ADAMTSL3: variants seen among roughly 807,000 people sequenced by gnomAD.
ADAMTSL3 encodes the protein ADAMTS like 3, also known as ADAMTS-like protein 3.
A neutral mutation model predicts 201.7 loss-of-function variants in ADAMTSL3; 128 were observed. The ratio of observed to expected loss-of-function variants is 0.63; its 90% confidence interval spans 0.55 to 0.73. ADAMTSL3 has a LOEUF of 0.73. ADAMTSL3 is among the 30% of genes least tolerant of loss of function. The pLI is 0.00. For missense variants in ADAMTSL3, 1,990 were observed against 2,119.6 expected, an observed-to-expected ratio of 0.94 and a Z score of 1.20; for synonymous variants, 738 against 748.4, an observed-to-expected ratio of 0.99 and a Z score of 0.23.
chr15:83,959,417 G>T (rs977847734), intron 19 of ADAMTSL3, among the ~76,000 whole-genome samples: 8 of 152,092 alleles, frequency 5.3e-5, no homozygotes, highest in African/African-American at 1.9e-4. Flanking sequence ...CTCAAAAAAA[G>T]GACATATTCT....
chr15:83,931,488 T>G (rs2066354571), intron 17 of ADAMTSL3, among the ~76,000 whole-genome samples: 1 of 152,190 alleles, frequency 6.6e-6, no homozygotes, highest in South Asian at 2.1e-4. Context: ...ACAGAAACCT[T>G]CTGATTATTT....
chr15:83,878,488 C>A (rs1596346341), intron 9 of ADAMTSL3, among the ~76,000 whole-genome samples: 1 of 152,050 alleles, frequency 6.6e-6, no homozygotes, highest in East Asian at 1.9e-4. Context: ...GTGGCATGTG[C>A]CTGTAGTCCC....
chr15:83,758,652 G>A (rs1011433803), intron 3 of ADAMTSL3, among the ~76,000 whole-genome samples: 3 of 152,140 alleles, frequency 2.0e-5, no homozygotes, highest in African/African-American at 7.2e-5. Flanking sequence ...TTTCCCTAAT[G>A]ATTAGTGATA....
intron 3 of ADAMTSL3, among the ~76,000 whole-genome samples, chr15:83,732,041 A>G (rs1312378066): frequency 6.6e-6 from 1 of 152,082 alleles, no homozygotes; most frequent in Non-Finnish European, 1.5e-5. Flanking sequence ...AAATTTCACC[A>G]CACATACACA....
rs567088603 is a variant in ADAMTSL3, at chr15:83,701,756, C to G, written c.70-2633C>G. On this transcript the variant is annotated intron_variant, in intron 2 of 29. Transcript: ENST00000286744. ...CCCCAGCCATGTCGAACTGTAAGTCCAATTAAACCTCTTTTTCTTCCCAGT... is the reference window on the plus strand; with the variant it reads ...CCCCAGCCATGTCGAACTGTAAGTCGAATTAAACCTCTTTTTCTTCCCAGT... Among the ~76,000 whole-genome samples, 91 of 152,282 alleles carry G rather than the reference C, an allele frequency of 6.0e-4. 1 individual carries two copies. Among genetic ancestry groups the G allele is most frequent in the African/African-American group, 2.1e-3 (88 of 41,560 alleles).
chr15:83,770,769 T>C (rs1280409995), intron 3 of ADAMTSL3, among the ~76,000 whole-genome samples: 1 of 152,176 alleles, frequency 6.6e-6, no homozygotes, highest in Non-Finnish European at 1.5e-5. Flanking sequence ...TTATCTATGA[T>C]TTTTAAAAAC....
At chr15:83,714,872 C>T (rs201413921) in intron 3 of ADAMTSL3, among the ~76,000 whole-genome samples, 49 of 10,414 alleles carry the variant, frequency 4.7e-3, no homozygotes, top group African/African-American at 0.036. Flanking sequence ...CTCCCTCCCT[C>T]CCTCCCTTCC....
intron 17 of ADAMTSL3, among the ~76,000 whole-genome samples, chr15:83,927,880 C>T (rs1398038559): frequency 6.6e-6 from 1 of 152,032 alleles, no homozygotes; most frequent in East Asian, 1.9e-4. Context: ...TTTGTCTACT[C>T]TAGCCAGTAC....
intron 7 of ADAMTSL3, among the ~76,000 whole-genome samples, chr15:83,841,648 A>G (rs1297713897): frequency 6.6e-6 from 1 of 151,270 alleles, no homozygotes; most frequent in African/African-American, 2.4e-5. Context: ...AGGATGTCAC[A>G]CTGATACGGG....
intron 19 of ADAMTSL3, among the ~76,000 whole-genome samples, chr15:83,944,569 G>A (rs993211035): frequency 1.3e-5 from 2 of 152,154 alleles, no homozygotes; most frequent in Non-Finnish European, 2.9e-5. Flanking sequence ...AGAAGCAGAC[G>A]TTGTCTCCCT....
intron 23 of ADAMTSL3, among the ~76,000 whole-genome samples, chr15:83,991,530 C>G (rs1415610215): frequency 6.6e-6 from 1 of 152,148 alleles, no homozygotes; most frequent in Non-Finnish European, 1.5e-5. Flanking sequence ...ACAAAAGAGG[C>G]CAACTTTTAG....
In ADAMTSL3 at chr15:83,655,744, C is replaced by A. The variant is rs534971320; in HGVS notation, c.-18C>A. The A allele has an allele frequency of 6.2e-7, 1 of 1,613,686 alleles. No individual in the cohort carries two copies. The highest frequency in any genetic ancestry group is 1.1e-5 in the South Asian group (1 of 91,012). ...TCGTTTGTAGGCTACAACTGAGACC[C>A]GGAGGAGACTAGACCCCATGGCTTC... On this transcript the variant is annotated 5_prime_UTR_variant, in exon 2 of 30. Transcript: ENST00000286744.
intron 2 of ADAMTSL3, among the ~76,000 whole-genome samples, chr15:83,667,421 C>A (rs191527167): frequency 2.0e-4 from 30 of 151,978 alleles, no homozygotes; most frequent in African/African-American, 7.2e-4. Flanking sequence ...AAAGTTCCTT[C>A]TCTCAAAACT....
At chr15:84,031,652 A>C (rs1828877393) in intron 28 of ADAMTSL3, among the ~76,000 whole-genome samples, 1 of 152,210 alleles carries the variant, frequency 6.6e-6, no homozygotes, top group Non-Finnish European at 1.5e-5. Context: ...GATGTTAAAC[A>C]ATAAAGGGAC....
At chr15:83,926,485 G>A (rs1003995106) in intron 17 of ADAMTSL3, among the ~76,000 whole-genome samples, 3 of 152,104 alleles carry the variant, frequency 2.0e-5, no homozygotes, top group Non-Finnish European at 4.4e-5. Context: ...AATCTTTTAA[G>A]AAAATTATTT....
At chr15:83,776,555 T>C (rs2063077607) in intron 4 of ADAMTSL3, among the ~76,000 whole-genome samples, 1 of 152,078 alleles carries the variant, frequency 6.6e-6, no homozygotes, top group African/African-American at 2.4e-5. Context: ...CCATCTCTAC[T>C]AAAAATACAA....
intron 2 of ADAMTSL3, among the ~76,000 whole-genome samples, chr15:83,666,563 G>A (rs1039750983): frequency 6.6e-6 from 1 of 152,092 alleles, no homozygotes; most frequent in Non-Finnish European, 1.5e-5. Flanking sequence ...ACAGGACTGG[G>A]CACAATGGCC....
intron 3 of ADAMTSL3, among the ~76,000 whole-genome samples, chr15:83,709,477 A>T (rs924436239): frequency 2.0e-5 from 3 of 152,074 alleles, no homozygotes; most frequent in Non-Finnish European, 2.9e-5. Context: ...CCCATAGAGG[A>T]CCTGTTCATA....
rs567872474 is a variant in ADAMTSL3, at chr15:83,676,299, A to C, written c.69+20469A>C. Among the ~76,000 whole-genome samples the C allele has an allele frequency of 2.6e-5, 4 of 152,040 alleles. No individual in the cohort carries two copies. In the East Asian group the frequency reaches 7.7e-4, roughly 29 times the overall value. On this transcript the variant is annotated intron_variant, in intron 2 of 29. Coordinates refer to ENST00000286744, the MANE Select transcript of ADAMTSL3 (RefSeq NM_207517.3). ...TTTGATATGTTTTACTTTCATTTTC[A>C]TTCTTATTAAACAATATTTTTAAGC...
Sources: allele counts gnomAD v4.1 joint callset (sites outside exome capture counted in the v4.1 genomes callset), GRCh38; gene constraint gnomAD v4.1.1; transcripts MANE v1.5; gene names NCBI Gene and HGNC (gene_info 2026-07-23, HGNC 2026-07-21).